GAS2L1: variants seen among roughly 807,000 people sequenced by gnomAD.
GAS2L1 encodes the protein GAS2-like protein 1.
Under a neutral mutation model 44.0 loss-of-function variants are expected in GAS2L1, and 26 were observed. The ratio of observed to expected loss-of-function variants is 0.59; its 90% CI spans 0.43 to 0.82. GAS2L1 has a LOEUF of 0.82. GAS2L1 is among the 40% of genes least tolerant of loss of function. The pLI is 0.00. For synonymous variants in GAS2L1, 426 were observed against 415.9 expected, an observed-to-expected ratio of 1.02 and a Z score of -0.30; for missense variants, 1,006 against 983.0, an observed-to-expected ratio of 1.02 and a Z score of -0.31.
At chr22:29,308,390 C>G (rs1425277021) in exon 1 of GAS2L1, 2 of 1,609,256 alleles carry the variant, frequency 1.2e-6, no homozygotes, top group Non-Finnish European at 1.7e-6. Context: ...TAGTGCCTGG[C>G]TCCTTCATGG....
chr22:29,309,110 T>A (rs1388345927), intron 1 of GAS2L1, among the ~76,000 whole-genome samples: 1 of 152,154 alleles, frequency 6.6e-6, no homozygotes, highest in Non-Finnish European at 1.5e-5. Flanking sequence ...TAGGCAGATG[T>A]ACCCACAACC....
chr22:29,308,117 A>G, exon 1 of GAS2L1: 1 of 1,557,486 alleles, frequency 6.4e-7, no homozygotes, highest in South Asian at 1.2e-5. Flanking sequence ...TGGCAGACCC[A>G]GTGGCGGGCA....
At chr22:29,309,638 G>C (rs2147898033) in intron 1 of GAS2L1, among the ~76,000 whole-genome samples, 1 of 152,334 alleles carries the variant, frequency 6.6e-6, no homozygotes, top group Admixed American at 6.5e-5. Flanking sequence ...CTCTGGTGGG[G>C]GGCTGTATGT....
exon 1 of GAS2L1, chr22:29,308,372 G>A (rs752096933): frequency 6.2e-7 from 1 of 1,606,038 alleles, no homozygotes; most frequent in South Asian, 1.1e-5. Context: ...CCTTCCAGGC[G>A]CACAGTGTAG....
At chr22:29,307,888 TAG>T in exon 1 of GAS2L1, 1 of 404,092 alleles carries the variant, frequency 2.5e-6, no homozygotes, top group Admixed American at 4.2e-5. Flanking sequence ...AATTATCCCA[TAG>T]AGTCCTATGA....
intron 4 of GAS2L1, 58 bp downstream of exon 5, chr22:29,311,056 G>A (rs2061400059): frequency 1.3e-6 from 2 of 1,488,992 alleles, no homozygotes; most frequent in East Asian, 4.5e-5. Context: ...CGTCAGCCCT[G>A]GCCTGCATGA....
Position 29,310,745 on chromosome 22 carries a change from G to A in GAS2L1, c.838+11G>A. ...GCTGCTCCTCCACTGGTCAGTGCCA[G>A]GGTGGGGCTGGGGCTGGACGGGCAG... On this transcript the variant is annotated intron_variant, in intron 3 of 4. Transcript: ENST00000618518. 6.2e-7 allele frequency: 1 copy of A among 1,607,220 alleles called. No homozygotes were observed. Among genetic ancestry groups the A allele is most frequent in the Non-Finnish European group, 8.5e-7 (1 of 1,178,324 alleles).
At position 29,312,281 on chromosome 22, in the gene GAS2L1, CA is replaced by C; in HGVS notation, c.1831del (p.Met611TrpfsTer5). 6.2e-7 allele frequency: 1 copy of C among 1,609,750 alleles called. No homozygotes were observed. The highest frequency in any genetic ancestry group is 8.5e-7 in the Non-Finnish European group (1 of 1,177,336). On this transcript the variant is annotated frameshift_variant, in exon 5 of 5. Coordinates refer to ENST00000618518, the Ensembl canonical transcript of GAS2L1. LOFTEE classifies it high-confidence loss of function. The stretch of plus-strand genomic sequence containing the variant: ...CCGATGAAGGCAGCCCCTGCCCTGG[CA>C]TGGGGGGGCCACTAGATGCACCTGG...
rs947002417 is a variant in GAS2L1, at chr22:29,310,356, T to G, written c.634-83T>G. Reference sequence around the variant, plus strand: ...ATCCACTTACCCGGAAAGCCTGACTTCCTCCTGACCCTGGAATGGCTGACA... The same window carrying G: ...ATCCACTTACCCGGAAAGCCTGACTGCCTCCTGACCCTGGAATGGCTGACA... On this transcript the variant is annotated intron_variant, in intron 1 of 4. Transcript: ENST00000618518. 82 of 774,464 alleles carry G rather than the reference T, an allele frequency of 1.1e-4. No homozygotes were observed. In the Admixed American group the frequency reaches 1.6e-3, roughly 15 times the overall value. The allele number at this position is 774,464 out of a possible 1,614,324, so 48.0% of individuals were successfully genotyped here.
chr22:29,312,777 T>G, exon 5 of GAS2L1: 1 of 346,734 alleles, frequency 2.9e-6, no homozygotes, highest in Non-Finnish European at 5.2e-6. Flanking sequence ...AGTAAAGTTT[T>G]GCTCCAGCCA....
chr22:29,309,244 C>A (rs1210112486), intron 1 of GAS2L1, among the ~76,000 whole-genome samples: 1 of 152,184 alleles, frequency 6.6e-6, no homozygotes, highest in South Asian at 2.1e-4. Context: ...TCCCCACTCC[C>A]CAGGCACCCC....
Position 29,310,625 on chromosome 22 carries a change from C to A in GAS2L1, c.742-13C>A, listed in dbSNP as rs372819727. On this transcript the variant is annotated splice_polypyrimidine_tract_variant and intron_variant, in intron 2 of 4. Coordinates refer to ENST00000618518, the Ensembl canonical transcript of GAS2L1. ...GCGCCCGGGGCACAGCCGTGACCTGCCCACACCTGCAGGTGCTGAGGAGCC... is the reference window on the plus strand; with the variant it reads ...GCGCCCGGGGCACAGCCGTGACCTGACCACACCTGCAGGTGCTGAGGAGCC... 5.9e-4 allele frequency: 944 copies of A among 1,602,954 alleles called. 3 individuals are homozygous for A. In the South Asian group the frequency reaches 6.3e-3, roughly 11 times the overall value.
In GAS2L1 at chr22:29,310,420, C is replaced by T; in HGVS notation, c.634-19C>T. ...GGAGGACTTGACCTCTGACCCCTACCCTCTCTCTCTGGCCTCAGGTGAGGG... is the reference window on the plus strand; with the variant it reads ...GGAGGACTTGACCTCTGACCCCTACTCTCTCTCTCTGGCCTCAGGTGAGGG... On this transcript the variant is annotated intron_variant, in intron 1 of 4. Coordinates refer to ENST00000618518, the Ensembl canonical transcript of GAS2L1. The T allele has an allele frequency of 1.4e-6, 2 of 1,401,686 alleles. No individual in the cohort carries two copies. Among genetic ancestry groups the T allele is most frequent in the Non-Finnish European group, 2.0e-6 (2 of 988,364 alleles). 86.8% of individuals were successfully genotyped at this position (1,401,686 alleles called of 1,614,324 possible).
At chr22:29,311,555 T>G in exon 5 of GAS2L1, 1 of 1,542,714 alleles carries the variant, frequency 6.5e-7, no homozygotes, top group Non-Finnish European at 8.7e-7. Flanking sequence ...GCCCCCTTGG[T>G]ACCCGCAGTG....
At chr22:29,308,621 C>T in exon 1 of GAS2L1, 1 of 1,588,320 alleles carries the variant, frequency 6.3e-7, no homozygotes, top group East Asian at 2.3e-5. Flanking sequence ...GTGCTGCACC[C>T]CCAGCCCCCA....
exon 5 of GAS2L1, chr22:29,312,458 C>T: frequency 6.6e-7 from 1 of 1,519,454 alleles, no homozygotes; most frequent in Middle Eastern, 1.8e-4. Context: ...ATGCCCTGCA[C>T]TCAGTCACCC....
At chr22:29,310,799 A>G (rs1229271093) in intron 3 of GAS2L1, 28 bp from the exon 5 acceptor site, 1 of 1,607,208 alleles carries the variant, frequency 6.2e-7, no homozygotes, top group African/African-American at 1.3e-5. Flanking sequence ...TCTGTCCCTC[A>G]CATGCTGCCT....
At position 29,310,637 on chromosome 22, in the gene GAS2L1, G is replaced by A; in HGVS notation, c.742-1G>A. 6.2e-7 allele frequency: 1 copy of A among 1,607,794 alleles called. No homozygotes were observed. On this transcript the variant is annotated splice_acceptor_variant, in intron 2 of 4. Transcript: ENST00000618518. LOFTEE classifies it high-confidence loss of function. ...CAGCCGTGACCTGCCCACACCTGCA[G>A]GTGCTGAGGAGCCACGTGATGGTGC...
chr22:29,310,210 C>G (rs2061387554), intron 1 of GAS2L1: 1 of 254,014 alleles, frequency 3.9e-6, no homozygotes, highest in Non-Finnish European at 7.3e-6. Context: ...CTATTGCACT[C>G]CAGCCTGGGC....
Sources: gnomAD v4.1 joint callset for allele counts (sites outside exome capture counted in the v4.1 genomes callset) on GRCh38, gnomAD v4.1.1 for gene constraint, MANE v1.5 for transcripts, NCBI Gene and HGNC (gene_info 2026-07-23, HGNC 2026-07-21) for gene names.